The following NDRG2 variants were observed in gnomAD, a reference collection of about 807,000 sequenced individuals.
The protein encoded by NDRG2 is NDRG family member 2, also known as protein NDRG2.
In NDRG2, 34 loss-of-function variants were observed where a neutral mutation model predicts 58.2. That is an observed-to-expected ratio of 0.58 (90% CI 0.44 to 0.78). NDRG2 has a LOEUF of 0.78. NDRG2 is among the 30% of genes least tolerant of loss of function. The pLI is 0.00. For missense variants in NDRG2, 434 were observed against 471.2 expected, an observed-to-expected ratio of 0.92 and a Z score of 0.73; for synonymous variants, 187 against 175.9, an observed-to-expected ratio of 1.06 and a Z score of -0.50.
Position 21,019,266 on chromosome 14 carries a change from C to A in NDRG2, c.717-106G>T. 4 of 1,152,116 alleles carry A rather than the reference C, an allele frequency of 3.5e-6. No homozygotes were observed. The South Asian group carries it at 6.1e-5, about 17-fold the overall frequency. 71.4% of individuals were successfully genotyped at this position (1,152,116 alleles called of 1,614,324 possible). A position where few individuals can be genotyped will look rare whatever the true frequency, so the allele number is the denominator to read the frequency against. On this transcript the variant is annotated intron_variant, in intron 10 of 15. Transcript: ENST00000556147. Reference sequence around the variant, plus strand: ...ACTATCTTTGTCTAAAAATTACGGTCAAATCTTGGTTATTAAAGGTGGAAA... The same window carrying A: ...ACTATCTTTGTCTAAAAATTACGGTAAAATCTTGGTTATTAAAGGTGGAAA...
At chr14:21,032,991 C>T (rs757823267) in intron 1 of NDRG2, 7 of 455,970 alleles carry the variant, frequency 1.5e-5, no homozygotes, top group South Asian at 6.2e-5. Flanking sequence ...CTGCCTCATT[C>T]GCTGCCTGGT....
At chr14:21,041,668 T>C (rs1566495526) in intron 1 of NDRG2, among the ~76,000 whole-genome samples, 2 of 151,998 alleles carry the variant, frequency 1.3e-5, no homozygotes, top group South Asian at 4.2e-4. Context: ...AACACAAACA[T>C]TTGGGCAGTA....
At chr14:21,042,739 G>A (rs190374064) in intron 1 of NDRG2, among the ~76,000 whole-genome samples, 312 of 152,232 alleles carry the variant, frequency 2.0e-3, no homozygotes, top group Middle Eastern at 6.8e-3. Context: ...AGAGTGACAG[G>A]CAACAGGGAC....
chr14:21,026,108 C>G (rs1883581563), upstream of NDRG2, among the ~76,000 whole-genome samples: 1 of 152,068 alleles, frequency 6.6e-6, no homozygotes, highest in Admixed American at 6.5e-5. Context: ...CCTCTCGGTG[C>G]CCGAGTGGGT....
At chr14:21,053,294 G>A (rs1885545863) in intron 1 of NDRG2, among the ~76,000 whole-genome samples, 1 of 152,048 alleles carries the variant, frequency 6.6e-6, no homozygotes. Context: ...ACCAGTGCTG[G>A]CAACGTGGCA....
At chr14:21,030,241 C>A (rs1046580377), upstream of NDRG2, 7 of 215,324 alleles carry the variant, frequency 3.3e-5, no homozygotes, top group Admixed American at 3.8e-4. Flanking sequence ...CCGGCTCCCA[C>A]ATATCTGCAC....
In NDRG2 at chr14:21,017,354, G is replaced by C; in HGVS notation, c.*242C>G. On this transcript the variant is annotated 3_prime_UTR_variant, in exon 16 of 16. Transcript: ENST00000556147. Reference sequence around the variant, plus strand: ...GCCCTCTCCACCTTAACATCAAAATGGGGGAGGAGGAGAATTTAGGGGTCT... The same window carrying C: ...GCCCTCTCCACCTTAACATCAAAATCGGGGAGGAGGAGAATTTAGGGGTCT... 2 of 563,640 alleles carry C rather than the reference G, an allele frequency of 3.5e-6. No homozygotes were observed. Among genetic ancestry groups the C allele is most frequent in the Non-Finnish European group, 6.3e-6 (2 of 315,176 alleles). The allele number at this position is 563,640 out of a possible 1,614,324, so 34.9% of individuals were successfully genotyped here.
At chr14:21,034,422 A>C in intron 1 of NDRG2, 29 of 681,068 alleles carry the variant, frequency 4.3e-5, no homozygotes, top group Non-Finnish European at 6.2e-5. Context: ...CCAAGTTCTC[A>C]TGACCCAGAA....
intron 8 of NDRG2, chr14:21,020,294 A>T: frequency 2.2e-5 from 1 of 45,038 alleles, no homozygotes; most frequent in South Asian, 3.9e-4. Flanking sequence ...ACACCATCTC[A>T]AAAAAAAAAA....
At chr14:21,026,898 G>A (rs1163266828), upstream of NDRG2, among the ~76,000 whole-genome samples, 1 of 152,188 alleles carries the variant, frequency 6.6e-6, no homozygotes, top group Non-Finnish European at 1.5e-5. Flanking sequence ...GCGCAAGACA[G>A]GAGAGATCTC....
intron 1 of NDRG2, among the ~76,000 whole-genome samples, chr14:21,051,467 A>G (rs1010710092): frequency 6.6e-6 from 1 of 152,156 alleles, no homozygotes; most frequent in African/African-American, 2.4e-5. Flanking sequence ...TATGAGGGGA[A>G]CTGGCGTATC....
chr14:21,017,117 C>G lies in NDRG2; in HGVS notation c.*479G>C, dbSNP rs1877228597. 4.7e-6 allele frequency: 2 copies of G among 423,294 alleles called. No individual in the cohort carries two copies. The highest frequency in any genetic ancestry group is 3.4e-5 in the South Asian group (2 of 59,244). 26.2% of individuals were successfully genotyped at this position (423,294 alleles called of 1,614,324 possible). A position where few individuals can be genotyped will look rare whatever the true frequency, so the allele number is the denominator to read the frequency against. On this transcript the variant is annotated 3_prime_UTR_variant, in exon 16 of 16. Transcript: ENST00000556147. ...CACTAACCCACCAGCAAGTCTCCCC[C>G]TGACACACATTCACGTAGGTCCATA...
intron 1 of NDRG2, among the ~76,000 whole-genome samples, chr14:21,040,734 G>C (rs1385949015): frequency 6.6e-6 from 1 of 152,182 alleles, no homozygotes; most frequent in Non-Finnish European, 1.5e-5. Flanking sequence ...TGCAGTGCTA[G>C]TCTCTTCACT....
At chr14:21,047,515 G>T (rs1003532230) in intron 1 of NDRG2, among the ~76,000 whole-genome samples, 2 of 152,194 alleles carry the variant, frequency 1.3e-5, no homozygotes, top group Admixed American at 6.6e-5. Context: ...AGCCAAAGCT[G>T]AGATACAAGA....
chr14:21,017,311 A>AG lies in NDRG2; in HGVS notation c.*284dup. 1 of 480,874 alleles carries AG rather than the reference A, an allele frequency of 2.1e-6. No individual in the cohort carries two copies. The highest frequency in any genetic ancestry group is 3.8e-6 in the Non-Finnish European group (1 of 261,444). 29.8% of individuals were successfully genotyped at this position (480,874 alleles called of 1,614,324 possible). ...CCCCTCAGCTATAGACACCTAGATC[A>AG]GGACAGAGGATGCATATGCCCTCTC... On this transcript the variant is annotated 3_prime_UTR_variant, in exon 16 of 16. Coordinates refer to ENST00000556147, the MANE Select transcript of NDRG2 (RefSeq NM_001320329.2).
At chr14:21,022,597 GA>G in intron 3 of NDRG2, 100 bp from the exon 4 acceptor site, 2 of 839,956 alleles carry the variant, frequency 2.4e-6, no homozygotes, top group South Asian at 1.6e-5. Flanking sequence ...GGGCAAGAGG[GA>G]AAAGGGAACA....
At chr14:21,058,267 G>A in intron 1 of NDRG2, 1 of 1,614,138 alleles carries the variant, frequency 6.2e-7, no homozygotes, top group Non-Finnish European at 8.5e-7. Flanking sequence ...AGAAGCACCT[G>A]AACACACCTT....
intron 1 of NDRG2, among the ~76,000 whole-genome samples, chr14:21,038,927 A>C (rs1387984449): frequency 6.6e-6 from 1 of 152,216 alleles, no homozygotes; most frequent in Non-Finnish European, 1.5e-5. Flanking sequence ...AGAAAGTCCC[A>C]CATCTGACCT....
In NDRG2 at chr14:21,021,949, T is replaced by TC. The variant is rs541795690; in HGVS notation, c.345-71dup. On this transcript the variant is annotated intron_variant, in intron 5 of 15. Coordinates refer to ENST00000556147, the MANE Select transcript of NDRG2 (RefSeq NM_001320329.2). ...CACCCCCCACCTCAGGATGTCCTAC[T>TC]CATTCTCTCCCAGAATAACCACTGC... The TC allele has an allele frequency of 3.2e-4, 521 of 1,611,712 alleles. No individual in the cohort carries two copies. In the African/African-American group the frequency reaches 6.4e-3, roughly 20 times the overall value.
Sources: gnomAD v4.1 joint callset for allele counts (sites outside exome capture counted in the v4.1 genomes callset) on GRCh38, gnomAD v4.1.1 for gene constraint, MANE v1.5 for transcripts, NCBI Gene and HGNC (gene_info 2026-07-23, HGNC 2026-07-21) for gene names.